ANKHD1: variants seen among roughly 807,000 people sequenced by gnomAD.
ANKHD1 encodes the protein ankyrin repeat and KH domain containing 1, also known as ankyrin repeat and KH domain-containing protein 1.
Under a neutral mutation model 230.5 loss-of-function variants are expected in ANKHD1, and 31 were observed. That is an observed-to-expected ratio of 0.13 (90% CI 0.10 to 0.18). The LOEUF is 0.18. Ranked by LOEUF, ANKHD1 falls within the 10% of genes least tolerant of loss-of-function variation. ANKHD1 has a pLI of 1.00. For missense variants in ANKHD1, 2,256 were observed against 3,071.3 expected, an observed-to-expected ratio of 0.73 and a Z score of 6.27; for synonymous variants, 1,074 against 1,117.6, an observed-to-expected ratio of 0.96 and a Z score of 0.78.
At chr5:140,497,309 C>G in intron 15 of ANKHD1, 31 bp downstream of exon 15, 1 of 1,559,604 alleles carries the variant, frequency 6.4e-7, no homozygotes, top group Non-Finnish European at 8.6e-7. Context: ...GTAATAATTT[C>G]TCTTTAATCT....
intron 1 of ANKHD1, among the ~76,000 whole-genome samples, chr5:140,433,073 A>C (rs1773179671): frequency 6.7e-6 from 1 of 150,028 alleles, no homozygotes; most frequent in Non-Finnish European, 1.5e-5. Flanking sequence ...CAAAAAAAAA[A>C]CGGGGGTTTC....
Position 140,526,383 on chromosome 5 carries a change from C to T in ANKHD1, c.4880C>T (p.Ser1627Leu), listed in dbSNP as rs1208639260. ...GATGTGAATTCCTCTAAATACCCCT[C>T]ACTGCTCCTTCATTCCCAAGAAGAA... ...VMDVNSSKYP[S>L]LLLHSQEEKT... is the part of the protein sequence containing the mutation. The change falls in exon 26 of 34, where the codon TCA becomes TTA. Residue 1627 changes from serine to leucine, a missense_variant. Around this residue, in one of 13 missense-constraint regions of ANKHD1, gnomAD observed 212 missense variants for 257.3 expected, o/e 0.82. Transcript: ENST00000360839. 7 of 1,613,992 alleles carry T rather than the reference C, an allele frequency of 4.3e-6. No homozygotes were observed. Among genetic ancestry groups the T allele is most frequent in the Middle Eastern group, 3.3e-4 (2 of 6,084 alleles).
At chr5:140,479,569 A>G (rs1457055429) in intron 10 of ANKHD1, among the ~76,000 whole-genome samples, 1 of 151,880 alleles carries the variant, frequency 6.6e-6, no homozygotes, top group Non-Finnish European at 1.5e-5. Context: ...ATGCACACAT[A>G]TATGTATATA....
Position 140,529,444 on chromosome 5 carries a change from T to C in ANKHD1, c.6498T>C (p.Thr2166=), listed in dbSNP as rs1753724109. The change falls in exon 29 of 34, where the codon ACT becomes ACC. Residue 2166 remains threonine (T), a synonymous_variant. Transcript: ENST00000360839. ...PQSIFVTNPV[T]LTPPQGPPAA... The stretch of plus-strand genomic sequence containing the variant: ...CTATTTTTGTTACGAATCCAGTTAC[T>C]TTAACACCACCTCAAGGCCCACCAG... The C allele has an allele frequency of 6.2e-7, 1 of 1,614,108 alleles. No individual in the cohort carries two copies. The highest frequency in any genetic ancestry group is 1.3e-5 in the African/African-American group (1 of 74,936).
At chr5:140,428,195 G>T (rs563059792) in intron 1 of ANKHD1, among the ~76,000 whole-genome samples, 5,749 of 152,106 alleles carry the variant, frequency 0.038, 153 homozygotes, top group Non-Finnish European at 0.057. Flanking sequence ...CAGACGATGG[G>T]CGGCCAGGCA....
At chr5:140,525,454 G>T (rs150983572) in intron 25 of ANKHD1, among the ~76,000 whole-genome samples, 1,963 of 152,186 alleles carry the variant, frequency 0.013, 52 homozygotes, top group African/African-American at 0.045. Context: ...GTAGAGACAA[G>T]ATTTCGCCAT....
At chr5:140,413,775 TTTTG>T (rs1042247243) in intron 1 of ANKHD1, among the ~76,000 whole-genome samples, 3 of 152,102 alleles carry the variant, frequency 2.0e-5, no homozygotes, top group African/African-American at 4.8e-5. Flanking sequence ...ATTTGGGTTT[TTTTG>T]TTTGTTTTGT....
At chr5:140,449,351 T>C in intron 7 of ANKHD1, 46 bp downstream of exon 7, 1 of 1,589,492 alleles carries the variant, frequency 6.3e-7, no homozygotes, top group Non-Finnish European at 8.6e-7. Flanking sequence ...GAAGAAAAGG[T>C]CGTATGTGTT....
intron 1 of ANKHD1, among the ~76,000 whole-genome samples, chr5:140,429,907 A>G (rs532293746): frequency 9.2e-5 from 14 of 152,348 alleles, no homozygotes; most frequent in South Asian, 4.1e-4. Flanking sequence ...TTTTCAAACT[A>G]GACTTTGGCC....
Position 140,505,853 on chromosome 5 carries a change from C to A in ANKHD1, c.3392C>A (p.Ser1131Tyr). 1 of 1,591,396 alleles carries A rather than the reference C, an allele frequency of 6.3e-7. No individual in the cohort carries two copies. The highest frequency in any genetic ancestry group is 1.9e-5 in the Admixed American group (1 of 53,520). Reference sequence around the variant, plus strand: ...GATACTCCGCTTTCATTGGCATGTTCTGGTGGACGTCAGGAGGTGTGTTAA... The same window carrying A: ...GATACTCCGCTTTCATTGGCATGTTATGGTGGACGTCAGGAGGTGTGTTAA... ...TKDTPLSLAC[S>Y]GGRQEVVDLL... The change falls in exon 18 of 34, where the codon TCT becomes TAT. Residue 1131 changes from serine to tyrosine, a missense_variant. By Grantham distance (144) the Ser-to-Tyr change is moderately radical. This residue lies in a region of ANKHD1 where 63 missense variants were observed against 125.5 expected (regional missense o/e 0.50). Transcript: ENST00000360839.
intron 4 of ANKHD1, 103 bp from the exon 5 acceptor site, chr5:140,440,892 C>T: frequency 7.6e-7 from 1 of 1,309,678 alleles, no homozygotes; most frequent in Non-Finnish European, 9.8e-7. Flanking sequence ...TTTTTTCCCA[C>T]CCCTATTCTA....
chr5:140,435,727 G>A (rs1170532811), intron 1 of ANKHD1, among the ~76,000 whole-genome samples: 3 of 151,674 alleles, frequency 2.0e-5, no homozygotes, highest in African/African-American at 7.3e-5. Flanking sequence ...TAGATATGGG[G>A]TTTCACCTTG....
chr5:140,538,772 T>A (rs1342935476), intron 32 of ANKHD1, 147 bp from the exon 33 acceptor site: 1 of 998,292 alleles, frequency 1.0e-6, no homozygotes, highest in Non-Finnish European at 1.3e-6. Context: ...TTTTGTTTTC[T>A]CAACACTGCC....
chr5:140,408,792 C>CT (rs1257472398), intron 1 of ANKHD1, among the ~76,000 whole-genome samples: 1 of 152,174 alleles, frequency 6.6e-6, no homozygotes, highest in Non-Finnish European at 1.5e-5. Flanking sequence ...GGTCATAACT[C>CT]TATGTGGTCT....
At chr5:140,427,940 G>C (rs1282266199) in intron 1 of ANKHD1, among the ~76,000 whole-genome samples, 1 of 150,226 alleles carries the variant, frequency 6.7e-6, no homozygotes, top group Non-Finnish European at 1.5e-5. Context: ...CCAGGCAGAG[G>C]GTCTCCTCAC....
chr5:140,485,191 C>T lies in ANKHD1; in HGVS notation c.1941C>T (p.His647=), dbSNP rs757585535. ...TGTCGCTGGCATGTGCAGGAGGCCA[C>T]CTGGCAGTTGTTGAGCTTCTCTTGG... The part of the protein sequence containing the change: ...TVVSLACAGG[H]LAVVELLLAH... The change falls in exon 12 of 34, where the codon CAC becomes CAT. Residue 647 remains histidine (H), a synonymous_variant. Coordinates refer to ENST00000360839, the MANE Select transcript of ANKHD1 (RefSeq NM_017747.3). This position sits in a 1 kb window ranked among gnomAD's most constrained non-coding sequence, Gnocchi z 4.8. 8.7e-6 allele frequency: 14 copies of T among 1,613,714 alleles called. No individual in the cohort carries two copies. Among genetic ancestry groups the T allele is most frequent in the Non-Finnish European group, 1.2e-5 (14 of 1,179,908 alleles).
rs1775414323 is a variant in ANKHD1 at position 140,458,862 on chromosome 5, G to A, written c.1480G>A (p.Gly494Arg). Residue 494 changes from glycine to arginine, a missense_variant and splice_region_variant, in exon 8 of 34, where the codon GGA becomes AGA. Physicochemically the swap from Gly to Arg is moderately radical, Grantham distance 125. Coordinates refer to ENST00000360839, the MANE Select transcript of ANKHD1 (RefSeq NM_017747.3). Reference protein sequence around the residue: ...EEMVALLLAQGANINAQTEET... With the variant: ...EEMVALLLAQRANINAQTEET... ...AATGGTGGCACTACTCTTAGCACAAGGTAAAGCAGTTTTACTTCTTTTAGA... is the reference window on the plus strand; with the variant it reads ...AATGGTGGCACTACTCTTAGCACAAAGTAAAGCAGTTTTACTTCTTTTAGA... 2 of 1,596,146 alleles carry A rather than the reference G, an allele frequency of 1.3e-6. No homozygotes were observed. The highest frequency in any genetic ancestry group is 8.5e-7 in the Non-Finnish European group (1 of 1,169,916).
At chr5:140,418,221 A>G (rs1031337424) in intron 1 of ANKHD1, among the ~76,000 whole-genome samples, 14 of 147,006 alleles carry the variant, frequency 9.5e-5, no homozygotes, top group Admixed American at 6.3e-4. Context: ...GTCACGGTTC[A>G]CTGCAGCCTC....
At chr5:140,447,759 A>G (rs1414994891) in intron 6 of ANKHD1, among the ~76,000 whole-genome samples, 1 of 152,206 alleles carries the variant, frequency 6.6e-6, no homozygotes, top group Non-Finnish European at 1.5e-5. Flanking sequence ...TAAAACCAAG[A>G]TGATAGCTAG....
Sources: gnomAD v4.1 joint callset for allele counts (sites outside exome capture counted in the v4.1 genomes callset) on GRCh38, gnomAD v4.1.1 for gene constraint, gnomAD v4.1.1 regional missense constraint, Gnocchi (gnomAD v3.1) non-coding constraint, MANE v1.5 for transcripts, NCBI Gene and HGNC (gene_info 2026-07-23, HGNC 2026-07-21) for gene names.